CHD9: variants seen among roughly 807,000 people sequenced by gnomAD.
The protein encoded by CHD9 is chromodomain helicase DNA binding protein 9.
CHD9 carries 77 observed loss-of-function variants against 316.1 expected under a neutral mutation model. The ratio of observed to expected loss-of-function variants is 0.24; its 90% CI spans 0.20 to 0.29. The LOEUF (loss-of-function observed/expected upper bound fraction) is 0.29, where lower values mean the gene tolerates loss of function less well. Among genes scored for constraint, CHD9 ranks in the 10% least tolerant of loss-of-function variants. The probability of loss-of-function intolerance (pLI) is 1.00; values close to 1 mark genes in which losing one functional copy is unlikely to be tolerated. For missense variants in CHD9, 2,763 were observed against 3,438.1 expected, an observed-to-expected ratio of 0.80 and a Z score of 4.91; for synonymous variants, 1,129 against 1,158.3, an observed-to-expected ratio of 0.97 and a Z score of 0.51.
At chr16:53,071,366 T>G (rs548498678) in intron 1 of CHD9, among the ~76,000 whole-genome samples, 34 of 152,318 alleles carry the variant, frequency 2.2e-4, no homozygotes, top group African/African-American at 8.2e-4. Flanking sequence ...GATGGTGTTA[T>G]ATAGACAATG....
intron 11 of CHD9, 67 bp downstream of exon 11, chr16:53,235,373 T>C: frequency 8.9e-7 from 1 of 1,124,036 alleles, no homozygotes; most frequent in Non-Finnish European, 1.3e-6. Flanking sequence ...TCAAGTAAAA[T>C]AGATACTGTT....
At chr16:53,243,222 T>A (rs1413173442) in intron 13 of CHD9, among the ~76,000 whole-genome samples, 6 of 152,182 alleles carry the variant, frequency 3.9e-5, no homozygotes, top group African/African-American at 1.4e-4. Flanking sequence ...TTTAGCTCTT[T>A]CCTTCAAAAA....
intron 20 of CHD9, among the ~76,000 whole-genome samples, chr16:53,265,107 A>G (rs2051525615): frequency 1.3e-5 from 2 of 152,230 alleles, no homozygotes; most frequent in East Asian, 3.8e-4. Flanking sequence ...GTGTCTAAAT[A>G]TATTAATACA....
intron 19 of CHD9, among the ~76,000 whole-genome samples, chr16:53,257,601 C>T (rs1039543326): frequency 2.0e-5 from 3 of 151,976 alleles, no homozygotes; most frequent in African/African-American, 7.3e-5. Context: ...CTAGGAGGGT[C>T]ATGGTTGTCT....
intron 2 of CHD9, among the ~76,000 whole-genome samples, chr16:53,174,472 G>A (rs957190590): frequency 2.6e-5 from 4 of 151,938 alleles, no homozygotes; most frequent in Non-Finnish European, 5.9e-5. Context: ...TTGTTTCTAT[G>A]GCTTCTATTA....
chr16:53,165,972 G>A (rs2152767129), intron 2 of CHD9, among the ~76,000 whole-genome samples: 1 of 152,176 alleles, frequency 6.6e-6, no homozygotes, highest in South Asian at 2.1e-4. Context: ...AAATCTTTAT[G>A]CATTTGGCAT....
chr16:53,116,416 ACT>A (rs1459402600), intron 1 of CHD9, among the ~76,000 whole-genome samples: 1 of 152,124 alleles, frequency 6.6e-6, no homozygotes, highest in Non-Finnish European at 1.5e-5. Flanking sequence ...AATAGTACAC[ACT>A]CTGCAAGAGA....
intron 4 of CHD9, among the ~76,000 whole-genome samples, chr16:53,225,527 A>G (rs1256314391): frequency 1.3e-5 from 2 of 152,160 alleles, no homozygotes; most frequent in African/African-American, 2.4e-5. Flanking sequence ...TGAAACAAAT[A>G]TTAGATATTT....
intron 1 of CHD9, among the ~76,000 whole-genome samples, chr16:53,061,620 G>A (rs1447086978): frequency 6.6e-6 from 1 of 152,190 alleles, no homozygotes; most frequent in Non-Finnish European, 1.5e-5. Context: ...GACCCTTAGC[G>A]AGACTATAGA....
intron 30 of CHD9, among the ~76,000 whole-genome samples, chr16:53,300,671 A>G (rs865952583): frequency 1.3e-5 from 2 of 152,248 alleles, no homozygotes; most frequent in East Asian, 1.9e-4. Flanking sequence ...GTGTTCTTTT[A>G]TAATAATCAA....
chr16:53,197,196 A>G (rs921163858), intron 2 of CHD9, among the ~76,000 whole-genome samples: 2 of 152,212 alleles, frequency 1.3e-5, no homozygotes, highest in African/African-American at 2.4e-5. Context: ...AATGGGAATA[A>G]CAAGTACCAC....
intron 2 of CHD9, among the ~76,000 whole-genome samples, chr16:53,201,781 A>T (rs1460330218): frequency 6.6e-6 from 1 of 152,024 alleles, no homozygotes; most frequent in African/African-American, 2.4e-5. Flanking sequence ...TAGTCTTATC[A>T]TTCATCTAAA....
At chr16:53,285,293 A>G (rs761746673) in intron 24 of CHD9, among the ~76,000 whole-genome samples, 1 of 152,218 alleles carries the variant, frequency 6.6e-6, no homozygotes, top group Non-Finnish European at 1.5e-5. Flanking sequence ...TACTTCCAAT[A>G]GAACCCTTTG....
In CHD9 at chr16:53,321,599, C is replaced by G; in HGVS notation, c.7787C>G (p.Ala2596Gly). Residue 2596 changes from alanine to glycine, a missense_variant, in exon 38 of 39, where the codon GCT becomes GGT. Ala to Gly is a moderately conservative substitution (Grantham distance 60, BLOSUM62 0). Transcript: ENST00000447540. ...FLKENSEYGV[A>G]PEWGDVVKQS... ...AAAGAAAATTCAGAATATGGAGTAG[C>G]TCCTGAATGGGGAGATGTTGTTAAG... 1 of 1,537,728 alleles carries G rather than the reference C, an allele frequency of 6.5e-7. No homozygotes were observed. Among genetic ancestry groups the G allele is most frequent in the Non-Finnish European group, 8.8e-7 (1 of 1,134,578 alleles).
In CHD9 at chr16:53,285,719, G is replaced by A; in HGVS notation, c.5071+20G>A. 2 of 1,381,322 alleles carry A rather than the reference G, an allele frequency of 1.4e-6. No homozygotes were observed. Among genetic ancestry groups the A allele is most frequent in the South Asian group, 1.2e-5 (1 of 82,516 alleles). The allele number at this position is 1,381,322 out of a possible 1,614,324, so 85.6% of individuals were successfully genotyped here. On this transcript the variant is annotated intron_variant, in intron 25 of 38. Transcript: ENST00000447540. ...AACATGGTAAGTAAGAAGTAAGGTA[G>A]GTGAGATCCCCTTCTATGTATAAGG...
intron 30 of CHD9, 144 bp downstream of exon 30, chr16:53,297,302 A>G: frequency 1.6e-6 from 1 of 640,812 alleles, no homozygotes; most frequent in Non-Finnish European, 2.7e-6. Context: ...TTATAAATAA[A>G]CTAGCTTAAA....
At chr16:53,106,748 T>G (rs2037391697) in intron 1 of CHD9, among the ~76,000 whole-genome samples, 1 of 152,098 alleles carries the variant, frequency 6.6e-6, no homozygotes, top group African/African-American at 2.4e-5. Context: ...TGGCCTACCC[T>G]ACATCTATTC....
intron 19 of CHD9, among the ~76,000 whole-genome samples, chr16:53,262,322 TC>T (rs1470205195): frequency 6.6e-6 from 1 of 152,200 alleles, no homozygotes; most frequent in African/African-American, 2.4e-5. Flanking sequence ...TGAAGTGTTA[TC>T]TTTAGAGTTT....
At chr16:53,125,706 A>G (rs904871531) in intron 1 of CHD9, among the ~76,000 whole-genome samples, 1 of 152,204 alleles carries the variant, frequency 6.6e-6, no homozygotes, top group Non-Finnish European at 1.5e-5. Context: ...CAAACAACCC[A>G]TACTGTATGA....
Sources: allele counts gnomAD v4.1 joint callset (sites outside exome capture counted in the v4.1 genomes callset), GRCh38; gene constraint gnomAD v4.1.1; transcripts MANE v1.5; gene names NCBI Gene and HGNC (gene_info 2026-07-23, HGNC 2026-07-21).